UFM1: variants seen among roughly 807,000 people sequenced by gnomAD.
The protein encoded by UFM1 is ubiquitin fold modifier 1.
UFM1 carries 9 observed loss-of-function variants against 15.4 expected under a neutral mutation model. The observed-to-expected ratio is 0.59, with a 90% CI of 0.35 to 1.02. The LOEUF (loss-of-function observed/expected upper bound fraction) is 1.02, where lower values mean the gene tolerates loss of function less well. Among genes scored for constraint, UFM1 ranks in the 50% least tolerant of loss-of-function variants. The probability of loss-of-function intolerance (pLI) is 0.02; values close to 1 mark genes in which losing one functional copy is unlikely to be tolerated. For missense variants in UFM1, 98 were observed against 104.7 expected, an observed-to-expected ratio of 0.94 and a Z score of 0.28; for synonymous variants, 27 against 36.3, an observed-to-expected ratio of 0.74 and a Z score of 0.92.
chr13:38,359,557 G>T, intron 5 of UFM1: 1 of 406,648 alleles, frequency 2.5e-6, no homozygotes, highest in Non-Finnish European at 4.5e-6. Context: ...ACCTAATAGT[G>T]GCTTAAGCAT....
At chr13:38,354,575 T>C in intron 3 of UFM1, 1 of 293,212 alleles carries the variant, frequency 3.4e-6, no homozygotes, top group Non-Finnish European at 6.3e-6. Flanking sequence ...TGCTGATTTT[T>C]AAATGTTTTT....
At chr13:38,354,332 C>A in intron 3 of UFM1, 36 bp downstream of exon 3, 1 of 1,579,320 alleles carries the variant, frequency 6.3e-7, no homozygotes, top group Non-Finnish European at 8.7e-7. Context: ...TTATGGAATG[C>A]GGTTTGCCAA....
intron 2 of UFM1, among the ~76,000 whole-genome samples, chr13:38,353,548 A>T (rs185912757): frequency 1.2e-3 from 187 of 152,186 alleles, no homozygotes; most frequent in Middle Eastern, 3.4e-3. Flanking sequence ...AGAAAAAAAA[A>T]ATATATTTAT....
At chr13:38,359,396 G>GC in intron 5 of UFM1, 63 bp downstream of exon 5, 3 of 1,546,242 alleles carry the variant, frequency 1.9e-6, no homozygotes, top group Non-Finnish European at 2.7e-6. Flanking sequence ...ACACTGAATA[G>GC]TTAAGCTATT....
At position 38,360,893 on chromosome 13, in the gene UFM1, T is replaced by G. The variant is rs1355111614; in HGVS notation, c.*115T>G. On this transcript the variant is annotated 3_prime_UTR_variant, in exon 6 of 6. Transcript: ENST00000239878. ...TATGAAAACACCAGGAGTCAATGATTAATGAAAGGTGACTCATCTGTCCCT... is the reference window on the plus strand; with the variant it reads ...TATGAAAACACCAGGAGTCAATGATGAATGAAAGGTGACTCATCTGTCCCT... 38 of 795,946 alleles carry G rather than the reference T, an allele frequency of 4.8e-5. No homozygotes were observed. Among genetic ancestry groups the G allele is most frequent in the Non-Finnish European group, 7.2e-5 (35 of 484,350 alleles). The allele number at this position is 795,946 out of a possible 1,614,324, so 49.3% of individuals were successfully genotyped here. A position where few individuals can be genotyped will look rare whatever the true frequency, so the allele number is the denominator to read the frequency against.
In UFM1 at chr13:38,356,621, C is replaced by A. The variant is rs181654307; in HGVS notation, c.118-1472C>A. On this transcript the variant is annotated intron_variant, in intron 3 of 5. Transcript: ENST00000239878. ...TTTAAAATAAGCTTTTAGTTTTTCT[C>A]AACTATGTATATGTAATGATTATAG... Among the ~76,000 whole-genome samples the A allele has an allele frequency of 1.2e-3, 172 of 142,700 alleles. 3 individuals carry two copies. In the East Asian group the frequency reaches 0.033, roughly 28 times the overall value. The allele number at this position is 142,700 out of a possible 152,430, so 93.6% of individuals were successfully genotyped here. A position where few individuals can be genotyped will look rare whatever the true frequency, so the allele number is the denominator to read the frequency against.
intron 3 of UFM1, 67 bp downstream of exon 3, chr13:38,354,363 G>A (rs1297646171): frequency 2.1e-6 from 3 of 1,426,036 alleles, no homozygotes; most frequent in South Asian, 1.2e-5. Context: ...ATGTCTTTAA[G>A]AGTTGCATGC....
At position 38,362,813 on chromosome 13, in the gene UFM1, AT is replaced by A. The variant is rs2140067455; in HGVS notation, c.*2040del. The A allele has an allele frequency of 6.6e-6, 1 of 152,240 alleles. No individual in the cohort carries two copies. The highest frequency in any genetic ancestry group is 1.9e-4 in the East Asian group (1 of 5,182). The allele number at this position is 152,240 out of a possible 1,614,324, so 9.4% of individuals were successfully genotyped here. A position where few individuals can be genotyped will look rare whatever the true frequency, so the allele number is the denominator to read the frequency against. On this transcript the variant is annotated 3_prime_UTR_variant, in exon 6 of 6. Coordinates refer to ENST00000239878, the MANE Select transcript of UFM1 (RefSeq NM_016617.4). The stretch of plus-strand genomic sequence containing the variant: ...TGTGCCATAAAGTGATATATTTAAT[AT>A]TTTTATTCTTTGGTTTTGAACATTG...
chr13:38,360,989 C>G lies in UFM1; in HGVS notation c.*211C>G. 2.4e-6 allele frequency: 1 copy of G among 411,064 alleles called. No individual in the cohort carries two copies. Among genetic ancestry groups the G allele is most frequent in the Non-Finnish European group, 4.3e-6 (1 of 230,476 alleles). 25.5% of individuals were successfully genotyped at this position (411,064 alleles called of 1,614,324 possible). A position where few individuals can be genotyped will look rare whatever the true frequency, so the allele number is the denominator to read the frequency against. Reference sequence around the variant, plus strand: ...TAAGGCTACTACTGTCACAGAAGATCATAGTCTTTGATGCTACCTCACAAC... The same window carrying G: ...TAAGGCTACTACTGTCACAGAAGATGATAGTCTTTGATGCTACCTCACAAC... On this transcript the variant is annotated 3_prime_UTR_variant, in exon 6 of 6. Transcript: ENST00000239878.
chr13:38,358,063 ATATAT>A, intron 3 of UFM1, 25 bp from the exon 4 acceptor site: 1 of 978,050 alleles, frequency 1.0e-6, no homozygotes, highest in Non-Finnish European at 1.4e-6. Context: ...GTGTGTATAT[ATATAT>A]ATATTTTTTT....
intron 3 of UFM1, among the ~76,000 whole-genome samples, chr13:38,356,266 A>G (rs1312094243): frequency 6.6e-6 from 1 of 151,918 alleles, no homozygotes; most frequent in Non-Finnish European, 1.5e-5. Context: ...TAAAATGGGC[A>G]TGATGTAAAA....
intron 4 of UFM1, 110 bp from the exon 5 acceptor site, chr13:38,359,191 C>T (rs986427836): frequency 2.4e-6 from 2 of 830,658 alleles, no homozygotes; most frequent in African/African-American, 3.4e-5. Context: ...AAGTGTTTGG[C>T]TTATGTCTAT....
intron 2 of UFM1, among the ~76,000 whole-genome samples, chr13:38,353,841 C>T (rs1391515513): frequency 6.6e-6 from 1 of 152,030 alleles, no homozygotes. Context: ...GATAACATTA[C>T]TGGGTCAAGT....
chr13:38,360,670 A>G, intron 5 of UFM1, 41 bp from the exon 6 acceptor site: 2 of 1,440,040 alleles, frequency 1.4e-6, no homozygotes, highest in Non-Finnish European at 1.9e-6. Context: ...AGATAACTTG[A>G]TTTTTAGATA....
At chr13:38,353,909 T>C (rs1302315295) in intron 2 of UFM1, among the ~76,000 whole-genome samples, 1 of 152,040 alleles carries the variant, frequency 6.6e-6, no homozygotes, top group Non-Finnish European at 1.5e-5. Flanking sequence ...GCTTCACCTT[T>C]TTGAAATCCA....
At chr13:38,359,926 C>A in intron 5 of UFM1, 2 of 216,720 alleles carry the variant, frequency 9.2e-6, no homozygotes, top group Non-Finnish European at 9.4e-6. Context: ...GGCTTATAAT[C>A]TAAAGTTTTA....
Position 38,362,382 on chromosome 13 carries a change from G to T in UFM1, c.*1604G>T, listed in dbSNP as rs1159288479. 6.6e-6 allele frequency: 1 copy of T among 151,992 alleles called. No homozygotes were observed. The highest frequency in any genetic ancestry group is 2.4e-5 in the African/African-American group (1 of 41,376). The allele number at this position is 151,992 out of a possible 1,614,324, so 9.4% of individuals were successfully genotyped here. On this transcript the variant is annotated 3_prime_UTR_variant, in exon 6 of 6. Coordinates refer to ENST00000239878, the MANE Select transcript of UFM1 (RefSeq NM_016617.4). ...CATAAATGTGACAAATGAACAGCAG[G>T]ATTATGAATTATCAAAGGAAAAAGT...
intron 2 of UFM1, among the ~76,000 whole-genome samples, chr13:38,351,462 A>G (rs1377890528): frequency 6.6e-6 from 1 of 152,210 alleles, no homozygotes; most frequent in Non-Finnish European, 1.5e-5. Flanking sequence ...GGGAAATTCT[A>G]TCATCTTTAC....
chr13:38,353,812 T>C (rs1333549823), intron 2 of UFM1, among the ~76,000 whole-genome samples: 1 of 152,064 alleles, frequency 6.6e-6, no homozygotes, highest in African/African-American at 2.4e-5. Context: ...CCAAGTAGCC[T>C]TCTACTTATA....
Sources: allele counts gnomAD v4.1 joint callset (sites outside exome capture counted in the v4.1 genomes callset), GRCh38; gene constraint gnomAD v4.1.1; transcripts MANE v1.5; gene names NCBI Gene and HGNC (gene_info 2026-07-23, HGNC 2026-07-21).